The following NECAB2 variants were observed in gnomAD, a reference collection of about 807,000 sequenced individuals.
The protein encoded by NECAB2 is N-terminal EF-hand calcium binding protein 2.
NECAB2 carries 68 observed loss-of-function variants against 51.9 expected under a neutral mutation model. That is an observed-to-expected ratio of 1.31 (90% CI 1.08 to 1.60). The LOEUF (loss-of-function observed/expected upper bound fraction) is 1.60, where lower values mean the gene tolerates loss of function less well. Ranked by LOEUF, NECAB2 falls within the 40% of genes most tolerant of loss-of-function variation. The pLI is 0.00. For missense variants in NECAB2, 854 were observed against 490.3 expected (o/e 1.74, Z -7.00); for synonymous variants, 329 against 203.5 (o/e 1.62, Z -5.25).
chr16:83,998,273 G>C lies in NECAB2; in HGVS notation c.918G>C (p.Leu306=). 1.2e-6 allele frequency: 2 copies of C among 1,613,446 alleles called. No homozygotes were observed. Among genetic ancestry groups the C allele is most frequent in the Middle Eastern group, 1.6e-4 (1 of 6,062 alleles). The change falls in exon 10 of 13, where the codon CTG becomes CTC. Residue 306 remains leucine (L), a synonymous_variant. Transcript: ENST00000305202. The part of the protein sequence containing the change: ...PEQLSEFLDS[L]RQYLRGTTGV... Reference sequence around the variant, plus strand: ...AACTGAGCGAGTTTCTGGACTCTCTGCGCCAGTATCTGCGGGGGACCACTG... The same window carrying C: ...AACTGAGCGAGTTTCTGGACTCTCTCCGCCAGTATCTGCGGGGGACCACTG...
chr16:83,995,657 T>C (rs1263972031), intron 8 of NECAB2, among the ~76,000 whole-genome samples: 2 of 152,162 alleles, frequency 1.3e-5, no homozygotes, highest in African/African-American at 2.4e-5. Context: ...GTGTATTTTT[T>C]TTACACCCTT....
chr16:83,980,795 C>G lies in NECAB2; in HGVS notation c.336-44C>G, dbSNP rs758016655. ...CTGTGCAGGGTCAGGCCTGCTAACC[C>G]CCTCTCTGTCTCTGTCTGTCTCTGC... On this transcript the variant is annotated intron_variant, in intron 3 of 12. Transcript: ENST00000305202. 55 of 1,555,412 alleles carry G rather than the reference C, an allele frequency of 3.5e-5. No individual in the cohort carries two copies. In the East Asian group the frequency reaches 1.3e-3, roughly 37 times the overall value.
upstream of NECAB2, among the ~76,000 whole-genome samples, chr16:83,967,232 A>C (rs1597187291): frequency 2.0e-5 from 3 of 152,076 alleles, no homozygotes; most frequent in Admixed American, 1.3e-4. Context: ...GGCTCTGCCC[A>C]CTTGGATGTA....
At chr16:83,990,453 C>T (rs749045288) in intron 5 of NECAB2, 41 bp from the exon 6 acceptor site, 157 of 1,607,602 alleles carry the variant, frequency 9.8e-5, no homozygotes, top group Non-Finnish European at 1.3e-4. Context: ...AATTTCCCTC[C>T]CACCCCTTTC....
intron 5 of NECAB2, among the ~76,000 whole-genome samples, chr16:83,981,619 C>T (rs1020634610): frequency 6.6e-6 from 1 of 152,152 alleles, no homozygotes; most frequent in Non-Finnish European, 1.5e-5. Context: ...GAAACAGAGG[C>T]TCACAAAGGT....
chr16:83,994,728 C>G (rs750941669), intron 8 of NECAB2, 40 bp downstream of exon 8: 4 of 1,598,528 alleles, frequency 2.5e-6, no homozygotes, highest in Non-Finnish European at 2.6e-6. Context: ...TCCTTCCAAC[C>G]CCTGAGGGAG....
At chr16:83,988,395 A>G (rs917943145) in intron 5 of NECAB2, among the ~76,000 whole-genome samples, 1 of 152,166 alleles carries the variant, frequency 6.6e-6, no homozygotes, top group Non-Finnish European at 1.5e-5. Flanking sequence ...TCTTAATCCT[A>G]TTTTTATACT....
At chr16:83,965,708 G>A, upstream of NECAB2, 6 of 1,613,662 alleles carry the variant, frequency 3.7e-6, no homozygotes, top group South Asian at 1.1e-5. Flanking sequence ...CGTGTTCCAG[G>A]ACCTCGAGGG....
intron 2 of NECAB2, among the ~76,000 whole-genome samples, chr16:83,973,805 G>C (rs906400824): frequency 6.6e-6 from 1 of 152,104 alleles, no homozygotes; most frequent in African/African-American, 2.4e-5. Flanking sequence ...TGCGTATCTC[G>C]GTGACTCAGC....
intron 2 of NECAB2, among the ~76,000 whole-genome samples, chr16:83,975,279 G>A (rs2550443): frequency 6.0e-5 from 8 of 132,574 alleles, no homozygotes; most frequent in African/African-American, 2.0e-4. Flanking sequence ...TGGGTGCGGG[G>A]ATGGGAACAG....
chr16:83,986,961 C>G (rs145266933), intron 5 of NECAB2, among the ~76,000 whole-genome samples: 1,760 of 152,264 alleles, frequency 0.012, 16 homozygotes, highest in Non-Finnish European at 0.018. Context: ...GACGGGTACA[C>G]TAGAAACGCA....
rs752134123 is a variant in NECAB2, at chr16:83,994,616, G to C, written c.723G>C (p.Glu241Asp). Residue 241 changes from glutamate (E) to aspartate (D), a missense_variant, in exon 8 of 13, where the codon GAG becomes GAC. Transcript: ENST00000305202. ...TCTCTTTCTCTACCGCAGCCACGGA[G>C]GATGCAAAGGAAGAGGGTCTGGAAG... ...EQGKTLPSAT[E>D]DAKEEGLEAQ... The C allele has an allele frequency of 6.2e-7, 1 of 1,614,168 alleles. No homozygotes were observed. Among genetic ancestry groups the C allele is most frequent in the East Asian group, 2.2e-5 (1 of 44,886 alleles).
In NECAB2 at chr16:84,000,634, G is replaced by T. The variant is rs2084810899; in HGVS notation, c.963-90G>T. The T allele has an allele frequency of 3.1e-5, 31 of 1,007,426 alleles. No individual in the cohort carries two copies. In the South Asian group the frequency reaches 4.1e-4, roughly 13 times the overall value. The allele number at this position is 1,007,426 out of a possible 1,614,324, so 62.4% of individuals were successfully genotyped here. A position where few individuals can be genotyped will look rare whatever the true frequency, so the allele number is the denominator to read the frequency against. On this transcript the variant is annotated intron_variant, in intron 10 of 12. Transcript: ENST00000305202. ...ACATTGAAGGCAGCCGTTGTGTATAGTGGTGGGTCTCAGGCCACCCCAGGG... is the reference window on the plus strand; with the variant it reads ...ACATTGAAGGCAGCCGTTGTGTATATTGGTGGGTCTCAGGCCACCCCAGGG...
chr16:83,972,168 C>G lies in NECAB2; in HGVS notation c.219C>G (p.Asp73Glu). Reference protein sequence around the residue: ...AVILDIFRRADKNDDGKLSLE... With the variant: ...AVILDIFRRAEKNDDGKLSLE... ...TTCTGCAGATTTTCCGCCGTGCGGA[C>G]AAAAATGGTGAGTTTCCCTTCCAGG... Residue 73 changes from aspartate to glutamate, a missense_variant, in exon 2 of 13, where the codon GAC becomes GAG. By Grantham distance (45) the Asp-to-Glu change is conservative. Coordinates refer to ENST00000305202, the MANE Select transcript of NECAB2 (RefSeq NM_019065.3). The G allele has an allele frequency of 6.2e-7, 1 of 1,613,516 alleles. No homozygotes were observed. Among genetic ancestry groups the G allele is most frequent in the South Asian group, 1.1e-5 (1 of 91,090 alleles).
intron 10 of NECAB2, 57 bp downstream of exon 10, chr16:83,998,374 G>A (rs79808237): frequency 0.012 from 18,815 of 1,523,034 alleles, 143 homozygotes; most frequent in Non-Finnish European, 0.014. Context: ...GCCTGGCAGT[G>A]GAGGAACAGG....
At chr16:84,001,804 A>T (rs750179171) in intron 11 of NECAB2, 21 bp from the exon 12 acceptor site, 26 of 1,613,164 alleles carry the variant, frequency 1.6e-5, no homozygotes, top group East Asian at 2.2e-5. Context: ...CCCCTGACTC[A>T]CACATGTCCC....
intron 6 of NECAB2, among the ~76,000 whole-genome samples, chr16:83,991,877 A>C (rs1177485009): frequency 6.6e-6 from 1 of 150,622 alleles, no homozygotes; most frequent in Non-Finnish European, 1.5e-5. Context: ...GCTGTTCTCA[A>C]ACTCCTGGTC....
At chr16:84,002,049 C>T (rs2151105057) in intron 12 of NECAB2, 133 bp downstream of exon 12, 3 of 1,143,030 alleles carry the variant, frequency 2.6e-6, no homozygotes, top group Non-Finnish European at 3.8e-6. Context: ...CCACCAATGC[C>T]AGGCTCAGAG....
chr16:83,994,822 G>C lies in NECAB2; in HGVS notation c.795+134G>C. ...CATGAAAAAGACATCCCCCAGGTGGGGCGTGGAGCTGCCGAGGACGAAGCT... is the reference window on the plus strand; with the variant it reads ...CATGAAAAAGACATCCCCCAGGTGGCGCGTGGAGCTGCCGAGGACGAAGCT... On this transcript the variant is annotated intron_variant, in intron 8 of 12. Transcript: ENST00000305202. 3.9e-6 allele frequency: 4 copies of C among 1,035,954 alleles called. No individual in the cohort carries two copies. In the South Asian group the frequency reaches 5.8e-5, roughly 15 times the overall value. The allele number at this position is 1,035,954 out of a possible 1,614,324, so 64.2% of individuals were successfully genotyped here. A position where few individuals can be genotyped will look rare whatever the true frequency, so the allele number is the denominator to read the frequency against.
Sources: gnomAD v4.1 joint callset for allele counts (sites outside exome capture counted in the v4.1 genomes callset) on GRCh38, gnomAD v4.1.1 for gene constraint, MANE v1.5 for transcripts, NCBI Gene and HGNC (gene_info 2026-07-23, HGNC 2026-07-21) for gene names.